Variants in WSB2 observed in about 807,000 individuals in gnomAD.
WSB2 encodes WD repeat and SOCS box containing 2, also known as WD repeat and SOCS box-containing protein 2.
Under a neutral mutation model 48.8 loss-of-function variants are expected in WSB2, and 12 were observed. The observed-to-expected ratio is 0.25, with a 90% confidence interval of 0.16 to 0.40. The LOEUF is 0.40. WSB2 is among the 10% of genes least tolerant of loss of function. The pLI is 1.00. For missense variants in WSB2, 317 were observed against 506.2 expected (o/e 0.63, Z 3.59); for synonymous variants, 191 against 203.1 (o/e 0.94, Z 0.51).
At chr12:118,043,481 G>A in intron 2 of WSB2, 104 bp from the exon 3 acceptor site, 2 of 1,484,992 alleles carry the variant, frequency 1.3e-6, no homozygotes, top group East Asian at 4.6e-5. Context: ...GGAAGGGTCT[G>A]TCACCCAAGC....
At chr12:118,052,651 G>T in intron 1 of WSB2, 173 bp from the exon 2 acceptor site, 1 of 934,688 alleles carries the variant, frequency 1.1e-6, no homozygotes, top group Non-Finnish European at 1.6e-6. Context: ...ATTCCACCAC[G>T]GTTACTCAAT....
At chr12:118,047,526 G>A (rs2031768430) in intron 2 of WSB2, among the ~76,000 whole-genome samples, 1 of 152,128 alleles carries the variant, frequency 6.6e-6, no homozygotes, top group Non-Finnish European at 1.5e-5. Flanking sequence ...ACCCTAACTA[G>A]AATATAAATG....
intron 2 of WSB2, among the ~76,000 whole-genome samples, chr12:118,051,725 G>GC (rs2031856048): frequency 6.6e-6 from 1 of 152,260 alleles, no homozygotes; most frequent in African/African-American, 2.4e-5. Flanking sequence ...TGTAATCCCA[G>GC]CACTTCGGGA....
At position 118,061,097 on chromosome 12, in the gene WSB2, C is replaced by T. The variant is rs1215375128; in HGVS notation, c.-49G>A. 9 of 980,668 alleles carry T rather than the reference C, an allele frequency of 9.2e-6. No individual in the cohort carries two copies. In the South Asian group the frequency reaches 3.6e-4, roughly 40 times the overall value. 60.7% of individuals were successfully genotyped at this position (980,668 alleles called of 1,614,324 possible). A position where few individuals can be genotyped will look rare whatever the true frequency, so the allele number is the denominator to read the frequency against. ...GCAGGCGGCGGGCGCCTCAGCCCCC[C>T]GGGCCGCGGGCCCTCATGCCGCCCC... On this transcript the variant is annotated 5_prime_UTR_variant, in exon 1 of 9. Transcript: ENST00000315436.
At position 118,052,433 on chromosome 12, in the gene WSB2, T is replaced by C; in HGVS notation, c.59A>G (p.Gln20Arg). 1 of 1,614,084 alleles carries C rather than the reference T, an allele frequency of 6.2e-7. No homozygotes were observed. The highest frequency in any genetic ancestry group is 2.2e-5 in the East Asian group (1 of 44,866). Residue 20 changes from glutamine (Q) to arginine (R), a missense_variant, in exon 2 of 9, where the codon CAG (glutamine) becomes CGG (arginine). Gln to Arg is a conservative substitution (Grantham distance 43, BLOSUM62 1). Coordinates refer to ENST00000315436, the MANE Select transcript of WSB2 (RefSeq NM_018639.5). ...TTCACAGCTGGACTTCCAATCAAAC[T>C]GGTGGGGGCGCCCGGGCTTGAGTTC... ...LAELKPGRPH[Q>R]FDWKSSCETW... is the part of the protein sequence containing the mutation.
intron 1 of WSB2, among the ~76,000 whole-genome samples, chr12:118,054,779 T>C (rs1231825010): frequency 1.3e-5 from 2 of 150,950 alleles, no homozygotes; most frequent in Admixed American, 6.6e-5. Context: ...AATAGGTGTG[T>C]GTTCCTGAAG....
intron 1 of WSB2, among the ~76,000 whole-genome samples, chr12:118,059,531 G>A (rs1418088084): frequency 6.6e-6 from 1 of 152,148 alleles, no homozygotes; most frequent in East Asian, 1.9e-4. Flanking sequence ...TTGAAAATAA[G>A]TTAAAACTCT....
At chr12:118,050,511 C>T (rs551881564) in intron 2 of WSB2, among the ~76,000 whole-genome samples, 4 of 151,816 alleles carry the variant, frequency 2.6e-5, no homozygotes, top group South Asian at 2.1e-4. Flanking sequence ...CATGGTGGCG[C>T]GCCTGTAGTA....
intron 2 of WSB2, among the ~76,000 whole-genome samples, chr12:118,047,375 C>G (rs2031765844): frequency 6.6e-6 from 1 of 151,794 alleles, no homozygotes; most frequent in Non-Finnish European, 1.5e-5. Flanking sequence ...TGAGGCAAGA[C>G]AGATTCATTG....
chr12:118,059,468 G>T (rs1450606319), intron 1 of WSB2, among the ~76,000 whole-genome samples: 2 of 152,162 alleles, frequency 1.3e-5, no homozygotes, highest in Non-Finnish European at 2.9e-5. Flanking sequence ...CCATTGCTCT[G>T]AAGATTTCAA....
chr12:118,054,746 CAT>C (rs571151676), intron 1 of WSB2, among the ~76,000 whole-genome samples: 1 of 150,086 alleles, frequency 6.7e-6, no homozygotes, highest in South Asian at 2.1e-4. Flanking sequence ...AAAATAATAA[CAT>C]AGGTATATCT....
In WSB2 at chr12:118,060,062, T is replaced by C. The variant is rs554884160; in HGVS notation, c.13+974A>G. On this transcript the variant is annotated intron_variant, in intron 1 of 8. Transcript: ENST00000315436. This position sits in a 1 kb window ranked among gnomAD's most constrained non-coding sequence, Gnocchi z 4.1. Reference sequence around the variant, plus strand: ...TAGGCCTTGAACCTGCTCTGAAAATTTCTCCTAAGGAAATTACATTTAAAC... The same window carrying C: ...TAGGCCTTGAACCTGCTCTGAAAATCTCTCCTAAGGAAATTACATTTAAAC... 2.1e-3 allele frequency among the ~76,000 whole-genome samples: 319 copies of C among 152,266 alleles called. 1 individual carries two copies. Among genetic ancestry groups the C allele is most frequent in the Non-Finnish European group, 3.8e-3 (256 of 68,014 alleles).
rs530947075 is a variant in WSB2, at chr12:118,057,565, G to A, written c.13+3471C>T. On this transcript the variant is annotated intron_variant, in intron 1 of 8. Coordinates refer to ENST00000315436, the MANE Select transcript of WSB2 (RefSeq NM_018639.5). ...GCTGGGATTGCAGGCGTGAGTCACCGCGTCCAGCCTCTTCTTTTTTAAACT... is the reference window on the plus strand; with the variant it reads ...GCTGGGATTGCAGGCGTGAGTCACCACGTCCAGCCTCTTCTTTTTTAAACT... 5.9e-5 allele frequency among the ~76,000 whole-genome samples: 9 copies of A among 152,072 alleles called. No individual in the cohort carries two copies. The South Asian group carries it at 6.2e-4, about 11-fold the overall frequency.
At chr12:118,051,584 GAT>G (rs2031853451) in intron 2 of WSB2, among the ~76,000 whole-genome samples, 1 of 152,212 alleles carries the variant, frequency 6.6e-6, no homozygotes, top group Non-Finnish European at 1.5e-5. Flanking sequence ...AGACAAAGTA[GAT>G]TAGTGGTTGC....
At chr12:118,040,368 C>CTT (rs1367324248) in intron 4 of WSB2, among the ~76,000 whole-genome samples, 1 of 152,140 alleles carries the variant, frequency 6.6e-6, no homozygotes, top group Non-Finnish European at 1.5e-5. Flanking sequence ...CTCACTTGGT[C>CTT]TTTCCTTCCA....
intron 4 of WSB2, 37 bp from the exon 5 acceptor site, chr12:118,038,425 C>T (rs1450635167): frequency 5.0e-6 from 8 of 1,599,140 alleles, no homozygotes; most frequent in East Asian, 2.2e-5. Context: ...AGCCAGTCCT[C>T]AACAAAGCAG....
At chr12:118,035,559 A>C (rs2031493019) in intron 6 of WSB2, 1 of 495,670 alleles carries the variant, frequency 2.0e-6, no homozygotes, top group African/African-American at 1.9e-5. Context: ...TAATTTGCTT[A>C]TGCAAAGTAG....
upstream of WSB2, chr12:118,061,188 A>G: frequency 7.1e-6 from 7 of 979,706 alleles, no homozygotes; most frequent in Non-Finnish European, 7.2e-6. Flanking sequence ...TTCCCGTCAC[A>G]TGGCGGTGGG....
intron 5 of WSB2, among the ~76,000 whole-genome samples, chr12:118,037,452 A>T (rs1326397581): frequency 6.6e-6 from 1 of 152,138 alleles, no homozygotes; most frequent in Admixed American, 6.5e-5. Flanking sequence ...GGATCACCTG[A>T]GGTCAGGAGT....
Sources: gnomAD v4.1 joint callset for allele counts (sites outside exome capture counted in the v4.1 genomes callset) on GRCh38, gnomAD v4.1.1 for gene constraint, Gnocchi (gnomAD v3.1) non-coding constraint, MANE v1.5 for transcripts, NCBI Gene and HGNC (gene_info 2026-07-23, HGNC 2026-07-21) for gene names.